NCOA7: variants seen among roughly 807,000 people sequenced by gnomAD.
NCOA7 encodes the protein 140 kDa estrogen receptor-associated protein.
Under a neutral mutation model 104.3 loss-of-function variants are expected in NCOA7, and 45 were observed. The ratio of observed to expected loss-of-function variants is 0.43; its 90% CI spans 0.34 to 0.55. The LOEUF is 0.55. Among genes scored for constraint, NCOA7 ranks in the 20% least tolerant of loss-of-function variants. The pLI, the probability that NCOA7 is intolerant of heterozygous loss-of-function variation, is 0.02. For missense variants in NCOA7, 1,041 were observed against 1,119.7 expected, an observed-to-expected ratio of 0.93 and a Z score of 1.00; for synonymous variants, 398 against 402.3, an observed-to-expected ratio of 0.99 and a Z score of 0.13.
intron 5 of NCOA7, 152 bp downstream of exon 5, chr6:125,878,522 T>C (rs1783564711): frequency 3.6e-6 from 2 of 554,656 alleles, no homozygotes; most frequent in Non-Finnish European, 5.9e-6. Flanking sequence ...TATTTATTTA[T>C]TTTTTGAGAC....
intron 2 of NCOA7, among the ~76,000 whole-genome samples, chr6:125,834,471 C>G (rs1037505980): frequency 2.0e-5 from 3 of 152,152 alleles, no homozygotes; most frequent in Admixed American, 1.3e-4. Context: ...AAGCTAACTT[C>G]TTGGTAGAGG....
intron 3 of NCOA7, among the ~76,000 whole-genome samples, chr6:125,869,959 A>G (rs545907224): frequency 2.6e-5 from 4 of 152,346 alleles, no homozygotes; most frequent in Admixed American, 2.6e-4. Flanking sequence ...TTTGTTATAG[A>G]AACAGTAGGA....
At chr6:125,842,461 A>C (rs754727175) in intron 2 of NCOA7, among the ~76,000 whole-genome samples, 8 of 152,240 alleles carry the variant, frequency 5.3e-5, no homozygotes, top group Non-Finnish European at 1.0e-4. Flanking sequence ...ATATATGCCA[A>C]TGCTGCTTTC....
chr6:125,794,208 G>A (rs2128545523), intron 1 of NCOA7, among the ~76,000 whole-genome samples: 1 of 152,290 alleles, frequency 6.6e-6, no homozygotes, highest in South Asian at 2.1e-4. Context: ...TCTGTTTGAA[G>A]ACTCATGCAA....
rs112577756 is a variant in NCOA7 at position 125,922,688 on chromosome 6, C to G, written c.2377C>G (p.Arg793Gly). 670 of 1,611,830 alleles carry G rather than the reference C, an allele frequency of 4.2e-4. No homozygotes were observed. Among genetic ancestry groups the G allele is most frequent in the Non-Finnish European group, 5.6e-4 (655 of 1,179,330 alleles). ...TCTTCCTTTGGCTTTGTAGCTGGCC[C>G]GACGCCTTCCTGCAAGGGTGCAAGG... ...LENMHIEQLA[R>G]RLPARVQGYP... Residue 793 changes from arginine to glycine, a missense_variant, in exon 13 of 16, where the codon CGA (arginine) becomes GGA (glycine). Arg to Gly is a moderately radical substitution (Grantham distance 125). This residue lies in a region of NCOA7 where 914 missense variants were observed against 942.7 expected (regional missense o/e 0.97). Coordinates refer to ENST00000392477, the MANE Select transcript of NCOA7 (RefSeq NM_181782.5).
chr6:125,877,876 A>G (rs1039319565), intron 4 of NCOA7, among the ~76,000 whole-genome samples: 1 of 152,242 alleles, frequency 6.6e-6, no homozygotes, highest in African/African-American at 2.4e-5. Flanking sequence ...AGTCATGCAA[A>G]TAGACAGAAA....
At chr6:125,873,549 A>G (rs1583431876) in intron 3 of NCOA7, among the ~76,000 whole-genome samples, 2 of 152,124 alleles carry the variant, frequency 1.3e-5, no homozygotes, top group South Asian at 2.1e-4. Flanking sequence ...CTTACCTATC[A>G]TGCTTTATTT....
intron 1 of NCOA7, among the ~76,000 whole-genome samples, chr6:125,800,228 C>T (rs73584320): frequency 0.026 from 3,986 of 152,238 alleles, 168 homozygotes; most frequent in African/African-American, 0.092. Context: ...ATAGATCTTG[C>T]ATTTTCTGGA....
chr6:125,846,343 T>C (rs1214678545), intron 2 of NCOA7, among the ~76,000 whole-genome samples: 2 of 133,270 alleles, frequency 1.5e-5, no homozygotes, highest in Non-Finnish European at 3.2e-5. Flanking sequence ...TTAGTTTGGA[T>C]ATAAAAAAGA....
At chr6:125,849,527 TTCTAAG>T (rs1221851260) in intron 2 of NCOA7, among the ~76,000 whole-genome samples, 2 of 152,338 alleles carry the variant, frequency 1.3e-5, no homozygotes, top group South Asian at 4.1e-4. Flanking sequence ...ATTGCATTTG[TTCTAAG>T]TCTTATTCTT....
rs1295054032 is a variant in NCOA7 at position 125,862,802 on chromosome 6, T to TG, written c.271+7564dup. 2.2e-5 allele frequency among the ~76,000 whole-genome samples: 3 copies of TG among 138,408 alleles called. 1 individual carries two copies. The allele number at this position is 138,408 out of a possible 152,430, so 90.8% of individuals were successfully genotyped here. A position where few individuals can be genotyped will look rare whatever the true frequency, so the allele number is the denominator to read the frequency against. On this transcript the variant is annotated intron_variant, in intron 3 of 15. Coordinates refer to ENST00000392477, the MANE Select transcript of NCOA7 (RefSeq NM_181782.5). ...GCAGATCACCTGATCAAGACCAGCC[T>TG]GGCCAACATGGTGAAACCCTGTCTC...
At chr6:125,878,238 A>G (rs761907773) in intron 4 of NCOA7, 25 bp from the exon 5 acceptor site, 17 of 1,533,492 alleles carry the variant, frequency 1.1e-5, no homozygotes, top group Non-Finnish European at 7.1e-6. Context: ...TTATTTATTG[A>G]CTCTTACCTG....
upstream of NCOA7, among the ~76,000 whole-genome samples, chr6:125,790,365 G>T (rs1034741141): frequency 6.6e-6 from 1 of 152,252 alleles, no homozygotes; most frequent in African/African-American, 2.4e-5. Context: ...GCGGCCCGGG[G>T]TGAGGTAAGA....
At chr6:125,902,538 C>A (rs555600906) in intron 10 of NCOA7, among the ~76,000 whole-genome samples, 1 of 151,444 alleles carries the variant, frequency 6.6e-6, no homozygotes, top group Non-Finnish European at 1.5e-5. Flanking sequence ...TAAATCCTAC[C>A]GTAACTAGTA....
At chr6:125,842,206 G>A (rs1349260128) in intron 2 of NCOA7, among the ~76,000 whole-genome samples, 2 of 152,118 alleles carry the variant, frequency 1.3e-5, no homozygotes, top group Non-Finnish European at 2.9e-5. Context: ...ATTCGTTTCA[G>A]GATTCTGTAT....
At chr6:125,924,566 G>A (rs745930817) in intron 13 of NCOA7, among the ~76,000 whole-genome samples, 23 of 152,296 alleles carry the variant, frequency 1.5e-4, no homozygotes, top group Admixed American at 2.6e-4. Context: ...ATGTAGACTG[G>A]CAGCAATGAG....
At chr6:125,861,927 C>G (rs57126993) in intron 3 of NCOA7, among the ~76,000 whole-genome samples, 1 of 128,734 alleles carries the variant, frequency 7.8e-6, no homozygotes, top group Admixed American at 7.3e-5. Flanking sequence ...ATTCCAGCTA[C>G]TCAGGAGGCT....
chr6:125,798,822 A>G (rs1447064687), intron 1 of NCOA7, among the ~76,000 whole-genome samples: 2 of 152,176 alleles, frequency 1.3e-5, no homozygotes, highest in Admixed American at 1.3e-4. Flanking sequence ...ACAATTATGT[A>G]TCATCCGATT....
chr6:125,781,804 T>C (rs965670435), intron 1 of NCOA7, among the ~76,000 whole-genome samples: 2 of 152,264 alleles, frequency 1.3e-5, no homozygotes, highest in African/African-American at 4.8e-5. Context: ...TGTTACCAGC[T>C]TCTTCTGTAT....
Sources: allele counts gnomAD v4.1 joint callset (sites outside exome capture counted in the v4.1 genomes callset), GRCh38; gene constraint gnomAD v4.1.1; regional missense constraint gnomAD v4.1.1; transcripts MANE v1.5; gene names NCBI Gene and HGNC (gene_info 2026-07-23, HGNC 2026-07-21).